Variants in MRAP2 observed in about 807,000 individuals in gnomAD.
MRAP2 encodes the protein melanocortin-2 receptor accessory protein 2.
A neutral mutation model predicts 17.4 loss-of-function variants in MRAP2; 20 were observed. The observed-to-expected ratio is 1.15, with a 90% CI of 0.81 to 1.67. The LOEUF (loss-of-function observed/expected upper bound fraction) is 1.67. Among genes scored for constraint, MRAP2 ranks in the 40% most tolerant of loss-of-function variants. The pLI, the probability that MRAP2 is intolerant of heterozygous loss-of-function variation, is 0.00. For missense variants in MRAP2, 238 were observed against 240.0 expected, an observed-to-expected ratio of 0.99 and a Z score of 0.05; for synonymous variants, 96 against 88.4, an observed-to-expected ratio of 1.09 and a Z score of -0.48.
chr6:84,059,419 G>A (rs537513203), intron 2 of MRAP2, among the ~76,000 whole-genome samples: 2 of 152,332 alleles, frequency 1.3e-5, no homozygotes, highest in East Asian at 1.9e-4. Context: ...AAAAAGTGGT[G>A]TGAGGAAAGT....
chr6:84,092,313 A>G (rs2129177559), downstream of MRAP2, among the ~76,000 whole-genome samples: 1 of 152,324 alleles, frequency 6.6e-6, no homozygotes, highest in African/African-American at 2.4e-5. Flanking sequence ...GGGAACCATT[A>G]GCCTGCTAGT....
At chr6:84,106,016 G>T in the MRAP2 span, among the ~76,000 whole-genome samples, 1 of 152,132 alleles carries the variant, frequency 6.6e-6, no homozygotes, top group African/African-American at 2.4e-5. Flanking sequence ...TCACATATTA[G>T]ACACTGATTC....
rs918563683 is a variant in MRAP2 at position 84,075,555 on chromosome 6, T to C, written c.227+12563T>C. ...GAGCTAAGGAACCATTTACTCTGCATGCTGTCTTGTTAAAGCATTATGGCC... is the reference window on the plus strand; with the variant it reads ...GAGCTAAGGAACCATTTACTCTGCACGCTGTCTTGTTAAAGCATTATGGCC... On this transcript the variant is annotated intron_variant, in intron 3 of 3. Transcript: ENST00000257776. Among the ~76,000 whole-genome samples the C allele has an allele frequency of 3.9e-5, 6 of 152,324 alleles. No individual in the cohort carries two copies. In the East Asian group the frequency reaches 1.2e-3, roughly 29 times the overall value.
At chr6:84,069,657 C>T (rs2099495702) in intron 3 of MRAP2, among the ~76,000 whole-genome samples, 1 of 152,104 alleles carries the variant, frequency 6.6e-6, no homozygotes, top group Non-Finnish European at 1.5e-5. Context: ...GGAATAGTGT[C>T]AAAAGGATTG....
chr6:84,101,731 G>A, the MRAP2 span, among the ~76,000 whole-genome samples: 1 of 152,058 alleles, frequency 6.6e-6, no homozygotes, highest in Non-Finnish European at 1.5e-5. Flanking sequence ...TTGATTAGTG[G>A]TTAAAGAAAA....
chr6:84,129,450 T>C, the MRAP2 span, among the ~76,000 whole-genome samples: 1 of 152,218 alleles, frequency 6.6e-6, no homozygotes. Context: ...CGATGAGCTT[T>C]TTTTCATATG....
chr6:84,119,809 C>T, the MRAP2 span, among the ~76,000 whole-genome samples: 1,657 of 152,252 alleles, frequency 0.011, 23 homozygotes, highest in South Asian at 0.054. Context: ...AAATAAGACT[C>T]CTTAGCACTT....
At chr6:84,038,174 C>A (rs111980105) in intron 1 of MRAP2, among the ~76,000 whole-genome samples, 1,891 of 152,262 alleles carry the variant, frequency 0.012, 46 homozygotes, top group African/African-American at 0.043. Context: ...GGGCGAGGGC[C>A]CCTGGCAGCA....
the MRAP2 span, among the ~76,000 whole-genome samples, chr6:84,123,877 C>T: frequency 2.0e-5 from 3 of 151,952 alleles, no homozygotes; most frequent in African/African-American, 7.2e-5. Flanking sequence ...AAGAAAAACC[C>T]CAAACAATCC....
At position 84,090,582 on chromosome 6, in the gene MRAP2, G is replaced by T. The variant is rs2099501598; in HGVS notation, c.*1101G>T. ...CTACAGAACAAGAAAAATACTATTT[G>T]CCATGCTATTACCTTGGCAGATGTG... On this transcript the variant is annotated 3_prime_UTR_variant, in exon 4 of 4. Transcript: ENST00000257776. The T allele has an allele frequency of 4.6e-5, 7 of 152,152 alleles. No homozygotes were observed. The highest frequency in any genetic ancestry group is 4.6e-4 in the Admixed American group (7 of 15,256). 9.4% of individuals were successfully genotyped at this position (152,152 alleles called of 1,614,324 possible). A position where few individuals can be genotyped will look rare whatever the true frequency, so the allele number is the denominator to read the frequency against.
Position 84,089,622 on chromosome 6 carries a change from T to TTCTCTTCTGA in MRAP2, c.*142_*143insCTCTTCTGAT, listed in dbSNP as rs1421804828. ...GACAGAGAGGCAGAGAAGAGACCCC[T>TTCTCTTCTGA]TTAGAAGAGAGCTGAGCTGATTAAG... On this transcript the variant is annotated 3_prime_UTR_variant, in exon 4 of 4. Transcript: ENST00000257776. 1.0e-6 allele frequency: 1 copy of TTCTCTTCTGA among 979,666 alleles called. No individual in the cohort carries two copies. The highest frequency in any genetic ancestry group is 1.5e-6 in the Non-Finnish European group (1 of 672,262). 60.7% of individuals were successfully genotyped at this position (979,666 alleles called of 1,614,324 possible). A position where few individuals can be genotyped will look rare whatever the true frequency, so the allele number is the denominator to read the frequency against.
At chr6:84,084,363 C>T (rs2099499751) in intron 3 of MRAP2, among the ~76,000 whole-genome samples, 1 of 152,106 alleles carries the variant, frequency 6.6e-6, no homozygotes, top group Non-Finnish European at 1.5e-5. Flanking sequence ...TTCCTCTGAG[C>T]TCAAGATTTT....
In MRAP2 at chr6:84,045,347, T is replaced by G. The variant is rs1184239354; in HGVS notation, c.-7-9965T>G. ...GAGATCCAAATCTGCACTGAAACCC[T>G]TATGAAGGCCCTGGAGTAGGCAAGC... On this transcript the variant is annotated intron_variant, in intron 1 of 3. Coordinates refer to ENST00000257776, the MANE Select transcript of MRAP2 (RefSeq NM_138409.4). The G allele has an allele frequency of 4.1e-6, 4 of 985,232 alleles. No individual in the cohort carries two copies. In the East Asian group the frequency reaches 4.5e-4, roughly 112 times the overall value. The allele number at this position is 985,232 out of a possible 1,614,324, so 61.0% of individuals were successfully genotyped here.
Position 84,089,099 on chromosome 6 carries a change from A to G in MRAP2, c.236A>G (p.Glu79Gly). 6.2e-7 allele frequency: 1 copy of G among 1,609,668 alleles called. No individual in the cohort carries two copies. The highest frequency in any genetic ancestry group is 8.5e-7 in the Non-Finnish European group (1 of 1,178,376). ...KTGAPHQDNAESSEKRFRMNS... is the reference protein window; with the variant it reads ...KTGAPHQDNAGSSEKRFRMNS... ...TTTCTTTTTTTAAATAGCAATGCAG[A>G]GTCCTCAGAGAAGAGATTCAGAATG... Residue 79 changes from glutamate to glycine, a missense_variant, in exon 4 of 4, where the codon GAG becomes GGG. Glu to Gly is a moderately conservative substitution (Grantham distance 98). Transcript: ENST00000257776.
chr6:84,110,980 A>G, the MRAP2 span, among the ~76,000 whole-genome samples: 1 of 152,160 alleles, frequency 6.6e-6, no homozygotes, highest in Non-Finnish European at 1.5e-5. Context: ...TGGTACCAGT[A>G]GTATGCTGTT....
At chr6:84,085,606 A>G (rs2099500233) in intron 3 of MRAP2, among the ~76,000 whole-genome samples, 1 of 152,206 alleles carries the variant, frequency 6.6e-6, no homozygotes. Flanking sequence ...GGAAGAGCCA[A>G]ATCATTTACA....
At chr6:84,125,227 A>G in the MRAP2 span, 1 of 1,613,152 alleles carries the variant, frequency 6.2e-7, no homozygotes, top group Non-Finnish European at 8.5e-7. Flanking sequence ...CCATTTTTCA[A>G]CTTCTTTGTT....
chr6:84,139,963 G>C, the MRAP2 span, among the ~76,000 whole-genome samples: 8 of 152,242 alleles, frequency 5.3e-5, no homozygotes, highest in Admixed American at 1.3e-4. Context: ...CACCAGACTG[G>C]TGTCTGTTTA....
the MRAP2 span, among the ~76,000 whole-genome samples, chr6:84,108,010 G>T: frequency 1.2e-4 from 18 of 152,114 alleles, no homozygotes; most frequent in African/African-American, 3.9e-4. Context: ...TGTCTTGCAG[G>T]GCTATCAAGA....
Sources: allele counts gnomAD v4.1 joint callset (sites outside exome capture counted in the v4.1 genomes callset), GRCh38; gene constraint gnomAD v4.1.1; transcripts MANE v1.5; gene names NCBI Gene and HGNC (gene_info 2026-07-23, HGNC 2026-07-21).